PCDH15: variants seen among roughly 807,000 people sequenced by gnomAD.
The protein encoded by PCDH15 is protocadherin related 15.
In PCDH15, 129 loss-of-function variants were observed where a neutral mutation model predicts 178.5. The observed-to-expected ratio is 0.72, with a 90% CI of 0.63 to 0.84. The LOEUF is 0.84. Among genes scored for constraint, PCDH15 ranks in the 40% least tolerant of loss-of-function variants. The pLI is 0.00. For synonymous variants in PCDH15, 800 were observed against 732.0 expected, an observed-to-expected ratio of 1.09 and a Z score of -1.50; for missense variants, 2,230 against 2,099.9, an observed-to-expected ratio of 1.06 and a Z score of -1.21.
In PCDH15 at chr10:54,333,789, A is replaced by T. The variant is rs141065866; in HGVS notation, c.595-4083T>A. 7.2e-5 allele frequency among the ~76,000 whole-genome samples: 11 copies of T among 152,284 alleles called. No individual in the cohort carries two copies. In the East Asian group the frequency reaches 1.5e-3, roughly 21 times the overall value. On this transcript the variant is annotated intron_variant, in intron 6 of 37. Coordinates refer to ENST00000644397, the MANE Select transcript of PCDH15 (RefSeq NM_001384140.1). ...GCATTTTTAACAAACCTACCAGGTGATCCTGATGCAGATGATTCAGGTTTT... is the reference window on the plus strand; with the variant it reads ...GCATTTTTAACAAACCTACCAGGTGTTCCTGATGCAGATGATTCAGGTTTT...
intron 3 of PCDH15, among the ~76,000 whole-genome samples, chr10:54,865,298 A>T (rs533458058): frequency 6.6e-6 from 1 of 152,234 alleles, no homozygotes; most frequent in African/African-American, 2.4e-5. Context: ...CTTGTGCTGG[A>T]TGCTGGTTAC....
intron 3 of PCDH15, among the ~76,000 whole-genome samples, chr10:54,504,451 T>C (rs974984055): frequency 3.3e-5 from 5 of 152,164 alleles, no homozygotes; most frequent in African/African-American, 1.2e-4. Flanking sequence ...CTTCTCTATA[T>C]CAATTCTGTG....
intron 14 of PCDH15, among the ~76,000 whole-genome samples, chr10:54,148,896 T>A (rs371121681): frequency 6.6e-6 from 1 of 152,032 alleles, no homozygotes; most frequent in Non-Finnish European, 1.5e-5. Context: ...TTTTCTCACT[T>A]GACTTTCTAA....
chr10:55,164,977 T>C (rs564451849), intron 2 of PCDH15, among the ~76,000 whole-genome samples: 174 of 152,252 alleles, frequency 1.1e-3, no homozygotes, highest in Non-Finnish European at 2.1e-3. Flanking sequence ...AATTATCTAT[T>C]TATCTATCCG....
At chr10:54,853,096 A>G (rs1054323535) in intron 3 of PCDH15, among the ~76,000 whole-genome samples, 1 of 150,002 alleles carries the variant, frequency 6.7e-6, no homozygotes. Flanking sequence ...CCCCATCTCT[A>G]CTAAAAATAC....
chr10:54,672,250 T>G (rs888214506), intron 1 of PCDH15, among the ~76,000 whole-genome samples: 3 of 151,600 alleles, frequency 2.0e-5, no homozygotes, highest in African/African-American at 2.4e-5. Context: ...ATAGAGTGTA[T>G]AATAAATGGA....
At chr10:55,441,847 G>T (rs181539336) in intron 2 of PCDH15, among the ~76,000 whole-genome samples, 47 of 152,262 alleles carry the variant, frequency 3.1e-4, no homozygotes, top group African/African-American at 9.9e-4. Context: ...ATATCCAGGT[G>T]TGCCTTACAT....
chr10:54,320,315 C>A (rs2061519423), intron 7 of PCDH15, among the ~76,000 whole-genome samples: 1 of 151,926 alleles, frequency 6.6e-6, no homozygotes, highest in African/African-American at 2.4e-5. Context: ...CTCCTAGAAA[C>A]CTAGTTTTTC....
At chr10:54,158,018 A>T (rs2045330063) in intron 13 of PCDH15, among the ~76,000 whole-genome samples, 1 of 152,200 alleles carries the variant, frequency 6.6e-6, no homozygotes, top group Non-Finnish European at 1.5e-5. Flanking sequence ...TTTTGGACAA[A>T]GCCATTTGAC....
intron 3 of PCDH15, among the ~76,000 whole-genome samples, chr10:54,516,320 TA>T (rs1205554456): frequency 6.8e-6 from 1 of 146,776 alleles, no homozygotes; most frequent in African/African-American, 2.5e-5. Context: ...AAAAAAAAAT[TA>T]GATGAATGTA....
chr10:55,307,037 A>G (rs1294462585), intron 1 of PCDH15, among the ~76,000 whole-genome samples: 1 of 151,916 alleles, frequency 6.6e-6, no homozygotes, highest in Non-Finnish European at 1.5e-5. Context: ...TAAAGGAATA[A>G]TTGTAATAAT....
intron 1 of PCDH15, among the ~76,000 whole-genome samples, chr10:54,736,882 T>G (rs1336666877): frequency 3.3e-5 from 5 of 152,076 alleles, no homozygotes; most frequent in African/African-American, 1.2e-4. Context: ...TGGTCACTGA[T>G]GGCATCAGGT....
At chr10:54,299,305 C>T (rs1206473518) in intron 8 of PCDH15, among the ~76,000 whole-genome samples, 1 of 149,112 alleles carries the variant, frequency 6.7e-6, no homozygotes, top group African/African-American at 2.4e-5. Context: ...GAGGAAGAGA[C>T]AAAGAGGGAG....
chr10:54,309,068 A>G (rs965086333), intron 8 of PCDH15, among the ~76,000 whole-genome samples: 6 of 152,158 alleles, frequency 3.9e-5, no homozygotes, highest in Admixed American at 3.9e-4. Context: ...GCCCCAAAAC[A>G]TATCCACAGA....
intron 1 of PCDH15, among the ~76,000 whole-genome samples, chr10:55,309,513 C>A (rs1394984072): frequency 7.0e-6 from 1 of 143,542 alleles, no homozygotes; most frequent in African/African-American, 2.8e-5. Context: ...AGAACGAGAC[C>A]TTATCTTTTA....
At chr10:53,899,918 T>G (rs1291672522) in intron 26 of PCDH15, among the ~76,000 whole-genome samples, 2 of 152,182 alleles carry the variant, frequency 1.3e-5, no homozygotes, top group African/African-American at 4.8e-5. Context: ...CCTTGCCTCC[T>G]ATCACTCAGA....
intron 2 of PCDH15, among the ~76,000 whole-genome samples, chr10:54,652,844 C>T (rs369626779): frequency 2.0e-5 from 3 of 152,104 alleles, no homozygotes; most frequent in Non-Finnish European, 4.4e-5. Context: ...TATTTAATTA[C>T]GGCATTCCTA....
intron 1 of PCDH15, among the ~76,000 whole-genome samples, chr10:54,714,020 T>G (rs1471331956): frequency 1.3e-5 from 2 of 152,168 alleles, no homozygotes; most frequent in African/African-American, 4.8e-5. Flanking sequence ...TGTCTCTGAC[T>G]GATGCTACTT....
At chr10:55,286,852 C>A (rs547835923) in intron 1 of PCDH15, among the ~76,000 whole-genome samples, 6 of 152,036 alleles carry the variant, frequency 3.9e-5, no homozygotes, top group African/African-American at 1.2e-4. Context: ...TTATATATTT[C>A]TTTTCATGCA....
Sources: gnomAD v4.1 joint callset for allele counts (sites outside exome capture counted in the v4.1 genomes callset) on GRCh38, gnomAD v4.1.1 for gene constraint, MANE v1.5 for transcripts, NCBI Gene and HGNC (gene_info 2026-07-23, HGNC 2026-07-21) for gene names.